The following PIK3R3 variants were observed in gnomAD, a reference collection of about 807,000 sequenced individuals.
The protein encoded by PIK3R3 is phosphatidylinositol 3-kinase regulatory subunit gamma.
PIK3R3 carries 64 observed loss-of-function variants against 62.9 expected under a neutral mutation model. That is an observed-to-expected ratio of 1.02 (90% CI 0.83 to 1.25). The LOEUF is 1.25. PIK3R3 is among the 50% of genes most tolerant of loss of function. The pLI, the probability that PIK3R3 is intolerant of heterozygous loss-of-function variation, is 0.00. For missense variants in PIK3R3, 614 were observed against 561.6 expected, an observed-to-expected ratio of 1.09 and a Z score of -0.94; for synonymous variants, 165 against 189.0, an observed-to-expected ratio of 0.87 and a Z score of 1.04.
chr1:46,065,522 C>A (rs1194010329), intron 5 of PIK3R3, among the ~76,000 whole-genome samples: 1 of 152,242 alleles, frequency 6.6e-6, no homozygotes, highest in Admixed American at 6.5e-5. Flanking sequence ...TCCCCTACAG[C>A]TAGCTGTGAC....
chr1:46,058,016 G>C (rs1188405965), intron 6 of PIK3R3, among the ~76,000 whole-genome samples: 1 of 152,208 alleles, frequency 6.6e-6, no homozygotes, highest in African/African-American at 2.4e-5. Flanking sequence ...GAGGAAAAAG[G>C]AGTTTCGTGA....
chr1:46,147,584 A>AT, the PIK3R3 span, among the ~76,000 whole-genome samples: 3 of 151,776 alleles, frequency 2.0e-5, no homozygotes, highest in African/African-American at 7.3e-5. Flanking sequence ...CGCCTGGCTA[A>AT]TTTTTTTTGT....
the PIK3R3 span, among the ~76,000 whole-genome samples, chr1:46,145,841 G>C: frequency 5.9e-5 from 9 of 152,170 alleles, no homozygotes; most frequent in East Asian, 5.8e-4. Flanking sequence ...ACAGATCCAG[G>C]GAAAAGGCCC....
intron 1 of PIK3R3, among the ~76,000 whole-genome samples, chr1:46,102,764 A>AT: frequency 6.7e-6 from 1 of 148,632 alleles, no homozygotes; most frequent in South Asian, 2.1e-4. Context: ...TTAAAATACC[A>AT]TATGATCCAG....
chr1:46,064,393 T>C (rs1648803756), intron 5 of PIK3R3, among the ~76,000 whole-genome samples: 1 of 151,626 alleles, frequency 6.6e-6, no homozygotes. Flanking sequence ...ATACAACAAT[T>C]TGCCGGGCAT....
upstream of PIK3R3, among the ~76,000 whole-genome samples, chr1:46,137,577 A>G (rs1655975509): frequency 6.6e-6 from 1 of 152,188 alleles, no homozygotes; most frequent in Non-Finnish European, 1.5e-5. Flanking sequence ...GCAAACTCCT[A>G]CTTCTCTGCA....
chr1:46,096,063 C>T lies in PIK3R3; in HGVS notation c.107-15313G>A, dbSNP rs757081815. 2.6e-5 allele frequency among the ~76,000 whole-genome samples: 4 copies of T among 152,268 alleles called. No homozygotes were observed. The East Asian group carries it at 5.8e-4, about 22-fold the overall frequency. ...CCTCCTAAAGCGCTGGGATTACAGG[C>T]GTGAGCCACCGTGCCCGACACAATG... On this transcript the variant is annotated intron_variant, in intron 1 of 9. Transcript: ENST00000262741.
At chr1:46,100,011 T>C (rs1652503061) in intron 1 of PIK3R3, among the ~76,000 whole-genome samples, 1 of 152,228 alleles carries the variant, frequency 6.6e-6, no homozygotes. Flanking sequence ...TGTCTTATTA[T>C]TATTACTGGT....
chr1:46,154,479 G>A, the PIK3R3 span, among the ~76,000 whole-genome samples: 1 of 152,286 alleles, frequency 6.6e-6, no homozygotes, highest in South Asian at 2.1e-4. Flanking sequence ...TGAGGTGGGA[G>A]GATTGCTTGA....
chr1:46,061,899 G>A (rs1648524379), intron 6 of PIK3R3, 30 bp downstream of exon 6: 1 of 1,592,760 alleles, frequency 6.3e-7, no homozygotes, highest in African/African-American at 1.3e-5. Flanking sequence ...CTGTCTCACT[G>A]ATGCCCTTGG....
chr1:46,140,725 G>A, the PIK3R3 span, among the ~76,000 whole-genome samples: 2 of 152,202 alleles, frequency 1.3e-5, no homozygotes, highest in Non-Finnish European at 2.9e-5. Context: ...GAAACATGGA[G>A]TGGATTCTCC....
the PIK3R3 span, among the ~76,000 whole-genome samples, chr1:46,160,737 T>C: frequency 6.6e-6 from 1 of 152,232 alleles, no homozygotes; most frequent in Non-Finnish European, 1.5e-5. Context: ...AAGGCACTCA[T>C]TGCCCCACTT....
chr1:46,050,573 G>T, intron 7 of PIK3R3, among the ~76,000 whole-genome samples: 1 of 152,030 alleles, frequency 6.6e-6, no homozygotes, highest in East Asian at 1.9e-4. Flanking sequence ...CTCAAAAAAA[G>T]AAAAGAAATG....
Position 46,044,757 on chromosome 1 carries a change from A to T in PIK3R3, c.1188-886T>A, listed in dbSNP as rs1337612598. ...TCTCCACTAAAATTAATGCTTCCAC[A>T]TGTGCACAGCCTACTAATAATACTT... On this transcript the variant is annotated intron_variant, in intron 9 of 9. Transcript: ENST00000262741. This position sits in a 1 kb window ranked among gnomAD's most constrained non-coding sequence, Gnocchi z 4.2. 1.3e-5 allele frequency among the ~76,000 whole-genome samples: 2 copies of T among 152,222 alleles called. No individual in the cohort carries two copies. Among genetic ancestry groups the T allele is most frequent in the Admixed American group, 1.3e-4 (2 of 15,280 alleles).
chr1:46,136,029 CAA>C (rs552872602), upstream of PIK3R3, among the ~76,000 whole-genome samples: 8 of 43,288 alleles, frequency 1.8e-4, no homozygotes, highest in Non-Finnish European at 3.5e-4. Context: ...GACTCAGTCT[CAA>C]AAAAAAAAAA....
chr1:46,139,299 GCTT>G, the PIK3R3 span, among the ~76,000 whole-genome samples: 4 of 151,236 alleles, frequency 2.6e-5, no homozygotes, highest in South Asian at 6.3e-4. Flanking sequence ...TGACCCACGT[GCTT>G]CTTTTTTTTT....
chr1:46,128,168 C>T (rs1431468617), intron 1 of PIK3R3, among the ~76,000 whole-genome samples: 2 of 152,218 alleles, frequency 1.3e-5, no homozygotes, highest in African/African-American at 2.4e-5. Context: ...GGCATAGTGG[C>T]TCACGTCTGT....
intron 1 of PIK3R3, among the ~76,000 whole-genome samples, chr1:46,087,901 T>C (rs1313479507): frequency 6.6e-6 from 1 of 152,162 alleles, no homozygotes; most frequent in Non-Finnish European, 1.5e-5. Context: ...GCTACTAAAG[T>C]GTCAAATCCG....
At chr1:46,134,970 A>G (rs1452345708), upstream of PIK3R3, among the ~76,000 whole-genome samples, 1 of 152,240 alleles carries the variant, frequency 6.6e-6, no homozygotes, top group Non-Finnish European at 1.5e-5. Context: ...CCAACTCTCC[A>G]ACTTAAATAG....
Sources: allele counts gnomAD v4.1 joint callset (sites outside exome capture counted in the v4.1 genomes callset), GRCh38; gene constraint gnomAD v4.1.1; non-coding constraint Gnocchi (gnomAD v3.1); transcripts MANE v1.5; gene names NCBI Gene and HGNC (gene_info 2026-07-23, HGNC 2026-07-21).